FSTL4: variants seen among roughly 807,000 people sequenced by gnomAD.
FSTL4 encodes the protein follistatin like 4.
FSTL4 carries 28 observed loss-of-function variants against 78.2 expected under a neutral mutation model. That is an observed-to-expected ratio of 0.36 (90% CI 0.27 to 0.49). The LOEUF is 0.49. FSTL4 is among the 20% of genes least tolerant of loss of function. The pLI, the probability that FSTL4 is intolerant of heterozygous loss-of-function variation, is 0.98. For synonymous variants in FSTL4, 422 were observed against 440.5 expected, an observed-to-expected ratio of 0.96 and a Z score of 0.53; for missense variants, 922 against 1,084.9, an observed-to-expected ratio of 0.85 and a Z score of 2.11.
At chr5:133,746,486 C>T in the FSTL4 span, among the ~76,000 whole-genome samples, 1 of 152,136 alleles carries the variant, frequency 6.6e-6, no homozygotes, top group African/African-American at 2.4e-5. Flanking sequence ...TCTTCCGAAT[C>T]TGGAAAAGTG....
chr5:133,444,790 G>A (rs983963486), intron 3 of FSTL4, among the ~76,000 whole-genome samples: 3 of 152,192 alleles, frequency 2.0e-5, no homozygotes, highest in African/African-American at 7.2e-5. Context: ...CATGGCACAG[G>A]GAATGAGATG....
At chr5:133,503,971 G>T (rs980762926) in intron 3 of FSTL4, among the ~76,000 whole-genome samples, 3 of 152,124 alleles carry the variant, frequency 2.0e-5, no homozygotes, top group African/African-American at 7.2e-5. Context: ...TCACAATGGT[G>T]GGAGGAATGA....
the FSTL4 span, among the ~76,000 whole-genome samples, chr5:133,661,181 G>A: frequency 6.6e-6 from 1 of 152,088 alleles, no homozygotes; most frequent in Non-Finnish European, 1.5e-5. Flanking sequence ...GTAGAGATGG[G>A]GTTTCACCAT....
chr5:133,679,637 A>C, the FSTL4 span, among the ~76,000 whole-genome samples: 1 of 152,244 alleles, frequency 6.6e-6, no homozygotes, highest in South Asian at 2.1e-4. Flanking sequence ...GAATTCCTGA[A>C]AGTAAACTCT....
At chr5:133,371,837 C>T (rs980173136) in intron 4 of FSTL4, among the ~76,000 whole-genome samples, 19 of 152,190 alleles carry the variant, frequency 1.2e-4, no homozygotes, top group Non-Finnish European at 2.4e-4. Flanking sequence ...CGTCAGACCT[C>T]GCTCCCGGGG....
At chr5:133,726,696 C>A in the FSTL4 span, among the ~76,000 whole-genome samples, 1 of 152,076 alleles carries the variant, frequency 6.6e-6, no homozygotes, top group Admixed American at 6.6e-5. Flanking sequence ...TCAAATACAG[C>A]CCCTTGTATG....
intron 2 of FSTL4, among the ~76,000 whole-genome samples, chr5:133,576,940 C>T (rs1760295920): frequency 6.6e-6 from 1 of 152,160 alleles, no homozygotes; most frequent in African/African-American, 2.4e-5. Context: ...TTTTTGCTAG[C>T]AAGACACTAT....
In FSTL4 at chr5:133,223,525, A is replaced by C. The variant is rs563314672; in HGVS notation, c.1339+665T>G. Among the ~76,000 whole-genome samples the C allele has an allele frequency of 2.0e-5, 3 of 152,328 alleles. No individual in the cohort carries two copies. The East Asian group carries it at 5.8e-4, about 29-fold the overall frequency. On this transcript the variant is annotated intron_variant, in intron 11 of 15. Transcript: ENST00000265342. ...TGGACTCAGATCTGGTTGTGGGGACACAGTGGGGACTGGGACCCGGGCATG... is the reference window on the plus strand; with the variant it reads ...TGGACTCAGATCTGGTTGTGGGGACCCAGTGGGGACTGGGACCCGGGCATG...
intron 3 of FSTL4, among the ~76,000 whole-genome samples, chr5:133,425,100 C>A (rs1159090957): frequency 6.6e-6 from 1 of 152,128 alleles, no homozygotes; most frequent in African/African-American, 2.4e-5. Flanking sequence ...ACATGTATTG[C>A]ACATTTATTA....
At chr5:133,221,028 G>T in intron 11 of FSTL4, 162 bp from the exon 12 acceptor site, 1 of 711,848 alleles carries the variant, frequency 1.4e-6, no homozygotes, top group Non-Finnish European at 2.6e-6. Context: ...CAGCCAGCTT[G>T]TAGCTGGATG....
chr5:133,705,091 C>T, the FSTL4 span, among the ~76,000 whole-genome samples: 11 of 152,254 alleles, frequency 7.2e-5, no homozygotes, highest in African/African-American at 2.2e-4. Flanking sequence ...GATGGAGTCT[C>T]GCTCTGTTGC....
rs371297466 is a variant in FSTL4 at position 133,347,059 on chromosome 5, C to T, written c.410-30407G>A. Among the ~76,000 whole-genome samples, 36 of 152,316 alleles carry T rather than the reference C, an allele frequency of 2.4e-4. No homozygotes were observed. In the East Asian group the frequency reaches 2.7e-3, roughly 11 times the overall value. On this transcript the variant is annotated intron_variant, in intron 4 of 15. Coordinates refer to ENST00000265342, the MANE Select transcript of FSTL4 (RefSeq NM_015082.2). Reference sequence around the variant, plus strand: ...TTTTTCCTTTGTTCCCTATCCCCCACAGCCAGTTGCTCTTTTCCTTCCTGT... The same window carrying T: ...TTTTTCCTTTGTTCCCTATCCCCCATAGCCAGTTGCTCTTTTCCTTCCTGT...
the FSTL4 span, among the ~76,000 whole-genome samples, chr5:133,757,251 T>A: frequency 2.0e-5 from 3 of 152,272 alleles, no homozygotes; most frequent in African/African-American, 7.2e-5. Context: ...ATAATTTTTT[T>A]ATCTCAGTAT....
chr5:133,359,745 C>T (rs1755028884), intron 4 of FSTL4, among the ~76,000 whole-genome samples: 1 of 152,252 alleles, frequency 6.6e-6, no homozygotes, highest in Admixed American at 6.5e-5. Context: ...CTGCCCCACC[C>T]TCATTCAGCT....
At chr5:133,403,617 G>A (rs536328391) in intron 3 of FSTL4, among the ~76,000 whole-genome samples, 2 of 152,194 alleles carry the variant, frequency 1.3e-5, no homozygotes, top group Non-Finnish European at 2.9e-5. Context: ...CACATGTGTT[G>A]ACCCGGTAGG....
chr5:133,687,897 C>T, the FSTL4 span, among the ~76,000 whole-genome samples: 81 of 152,324 alleles, frequency 5.3e-4, no homozygotes, highest in Non-Finnish European at 8.5e-4. Context: ...CTGCTCCCAT[C>T]CCCAGGGAAG....
At chr5:133,399,231 T>G (rs1001027857) in intron 4 of FSTL4, among the ~76,000 whole-genome samples, 2 of 152,134 alleles carry the variant, frequency 1.3e-5, no homozygotes, top group Non-Finnish European at 2.9e-5. Flanking sequence ...GAGCAACTGG[T>G]CAAGTGTTTT....
At chr5:133,759,971 G>A in the FSTL4 span, among the ~76,000 whole-genome samples, 1 of 152,200 alleles carries the variant, frequency 6.6e-6, no homozygotes, top group East Asian at 1.9e-4. Flanking sequence ...TGGCTGCTGT[G>A]GAAAAACCAA....
chr5:133,211,866 C>T (rs1042971129), intron 13 of FSTL4, among the ~76,000 whole-genome samples: 3 of 152,142 alleles, frequency 2.0e-5, no homozygotes, highest in South Asian at 2.1e-4. Flanking sequence ...CTCAACCTAA[C>T]GTATAGAGAA....
Sources: gnomAD v4.1 joint callset for allele counts (sites outside exome capture counted in the v4.1 genomes callset) on GRCh38, gnomAD v4.1.1 for gene constraint, MANE v1.5 for transcripts, NCBI Gene and HGNC (gene_info 2026-07-23, HGNC 2026-07-21) for gene names.